ATP8A1: variants seen among roughly 807,000 people sequenced by gnomAD.
ATP8A1 encodes ATPase phospholipid transporting 8A1.
ATP8A1 carries 90 observed loss-of-function variants against 177.7 expected under a neutral mutation model. That is an observed-to-expected ratio of 0.51 (90% CI 0.43 to 0.60). ATP8A1 has a LOEUF of 0.60. Ranked by LOEUF, ATP8A1 falls within the 20% of genes least tolerant of loss-of-function variation. The pLI, the probability that ATP8A1 is intolerant of heterozygous loss-of-function variation, is 0.00. For missense variants in ATP8A1, 1,072 were observed against 1,392.8 expected (o/e 0.77, Z 3.67); for synonymous variants, 493 against 485.9 (o/e 1.01, Z -0.19).
At chr4:42,413,486 C>T (rs972320234) in intron 36 of ATP8A1, among the ~76,000 whole-genome samples, 5 of 152,146 alleles carry the variant, frequency 3.3e-5, no homozygotes, top group Non-Finnish European at 5.9e-5. Context: ...GTGGGAATGG[C>T]TTCAGGGACC....
At position 42,423,725 on chromosome 4, in the gene ATP8A1, A is replaced by C. The variant is rs773581055; in HGVS notation, c.3124-20T>G. The stretch of plus-strand genomic sequence containing the variant: ...GGCTGCCTGTGTAAATCGTCAGAAA[A>C]AACATTACTTTAAAACCAAAAAATA... On this transcript the variant is annotated intron_variant, in intron 33 of 36. Transcript: ENST00000381668. The C allele has an allele frequency of 8.8e-6, 14 of 1,587,082 alleles. No homozygotes were observed. The highest frequency in any genetic ancestry group is 1.2e-5 in the Non-Finnish European group (14 of 1,161,080).
chr4:42,500,516 T>C (rs189984529), intron 24 of ATP8A1, among the ~76,000 whole-genome samples: 2 of 152,278 alleles, frequency 1.3e-5, no homozygotes, highest in African/African-American at 4.8e-5. Context: ...TTATCAGAAA[T>C]ACCTAATAGG....
intron 9 of ATP8A1, among the ~76,000 whole-genome samples, chr4:42,586,007 C>T (rs1733574735): frequency 6.6e-6 from 1 of 152,114 alleles, no homozygotes; most frequent in African/African-American, 2.4e-5. Flanking sequence ...AATAGTTAAG[C>T]CTATAACACG....
At chr4:42,536,935 A>G (rs895739349) in intron 20 of ATP8A1, among the ~76,000 whole-genome samples, 1 of 152,132 alleles carries the variant, frequency 6.6e-6, no homozygotes, top group Non-Finnish European at 1.5e-5. Flanking sequence ...GTTCGAGACC[A>G]GCCTGGCCAA....
chr4:42,420,165 C>T (rs1288799990), intron 35 of ATP8A1, among the ~76,000 whole-genome samples: 4 of 152,070 alleles, frequency 2.6e-5, no homozygotes, highest in African/African-American at 9.7e-5. Flanking sequence ...TGTTTCCATC[C>T]AGTTGCTATT....
chr4:42,645,945 A>G (rs1740488256), intron 1 of ATP8A1, among the ~76,000 whole-genome samples: 1 of 152,032 alleles, frequency 6.6e-6, no homozygotes, highest in Admixed American at 6.5e-5. Context: ...AAAAAAAAAA[A>G]GTAGAGTGAG....
chr4:42,606,452 G>A (rs1438057835), intron 5 of ATP8A1, among the ~76,000 whole-genome samples: 1 of 152,222 alleles, frequency 6.6e-6, no homozygotes, highest in Non-Finnish European at 1.5e-5. Context: ...GGCAAACTGT[G>A]TAGCCAGTAA....
Position 42,485,596 on chromosome 4 carries a change from G to C in ATP8A1, c.2224C>G (p.Leu742Val). The C allele has an allele frequency of 1.9e-6, 3 of 1,613,674 alleles. No homozygotes were observed. Among genetic ancestry groups the C allele is most frequent in the Non-Finnish European group, 2.5e-6 (3 of 1,179,698 alleles). Reference protein sequence around the residue: ...DALRKENDFALIIDGKTLKYA... With the variant: ...DALRKENDFAVIIDGKTLKYA... ...TTGAGGGTTTTCCCATCAATTATAA[G>C]AGCAAAATCATTCTCTTTCCGGAGA... is the stretch of plus-strand genomic sequence containing the variant. Residue 742 changes from leucine to valine, a missense_variant, in exon 25 of 37, where the codon CTT (leucine) becomes GTT (valine). Leu to Val is a conservative substitution (Grantham distance 32). This residue lies in a region of ATP8A1 where 388 missense variants were observed against 471.7 expected (regional missense o/e 0.82). Coordinates refer to ENST00000381668, the MANE Select transcript of ATP8A1 (RefSeq NM_006095.2).
At chr4:42,518,418 T>A (rs967580163) in intron 22 of ATP8A1, among the ~76,000 whole-genome samples, 2 of 152,158 alleles carry the variant, frequency 1.3e-5, no homozygotes, top group African/African-American at 4.8e-5. Flanking sequence ...TAATACATGG[T>A]TTTCAAACTG....
intron 5 of ATP8A1, among the ~76,000 whole-genome samples, chr4:42,603,531 T>G (rs1262933884): frequency 2.6e-5 from 4 of 152,212 alleles, no homozygotes; most frequent in Admixed American, 1.3e-4. Flanking sequence ...TGAACAATGC[T>G]GCATTATGAT....
chr4:42,643,340 T>A (rs1006169569), intron 1 of ATP8A1, among the ~76,000 whole-genome samples: 1 of 152,204 alleles, frequency 6.6e-6, no homozygotes, highest in African/African-American at 2.4e-5. Flanking sequence ...AAAATAAATG[T>A]CTACAAACAT....
At chr4:42,427,536 AC>A (rs1164520533) in intron 33 of ATP8A1, among the ~76,000 whole-genome samples, 2 of 152,258 alleles carry the variant, frequency 1.3e-5, no homozygotes, top group African/African-American at 4.8e-5. Context: ...TTATATTCCC[AC>A]CAGCAATGAA....
intron 20 of ATP8A1, among the ~76,000 whole-genome samples, chr4:42,530,708 T>G (rs1727179141): frequency 2.6e-5 from 4 of 152,208 alleles, no homozygotes; most frequent in Admixed American, 1.3e-4. Flanking sequence ...ACAATTACAG[T>G]GCCAACTAGG....
intron 8 of ATP8A1, among the ~76,000 whole-genome samples, chr4:42,587,581 G>A (rs536134629): frequency 2.0e-5 from 3 of 149,026 alleles, no homozygotes; most frequent in South Asian, 4.3e-4. Context: ...GTGATTACAT[G>A]TGTGAGCCAC....
intron 15 of ATP8A1, among the ~76,000 whole-genome samples, chr4:42,565,579 C>T (rs1367271952): frequency 6.6e-6 from 1 of 152,224 alleles, no homozygotes; most frequent in Non-Finnish European, 1.5e-5. Context: ...GAATCACCCT[C>T]ACTAGCATTT....
intron 1 of ATP8A1, among the ~76,000 whole-genome samples, chr4:42,637,458 A>G (rs150527678): frequency 2.0e-5 from 3 of 152,352 alleles, no homozygotes; most frequent in East Asian, 1.9e-4. Context: ...CATCTGAGTT[A>G]TAACAAACAT....
chr4:42,484,902 T>G (rs1284549371), intron 25 of ATP8A1, among the ~76,000 whole-genome samples: 1 of 152,208 alleles, frequency 6.6e-6, no homozygotes, highest in Non-Finnish European at 1.5e-5. Flanking sequence ...AGACGGAGTT[T>G]AAACAATTTA....
chr4:42,603,107 T>C (rs1189423650), intron 5 of ATP8A1, among the ~76,000 whole-genome samples: 4 of 152,142 alleles, frequency 2.6e-5, no homozygotes, highest in Non-Finnish European at 5.9e-5. Context: ...AATCAAGATA[T>C]TTGACATGAA....
At chr4:42,618,220 T>C (rs996315531) in intron 4 of ATP8A1, among the ~76,000 whole-genome samples, 4 of 152,210 alleles carry the variant, frequency 2.6e-5, no homozygotes, top group African/African-American at 9.6e-5. Flanking sequence ...AGGTTTGCCA[T>C]CTGCACCTTG....
Sources: allele counts gnomAD v4.1 joint callset (sites outside exome capture counted in the v4.1 genomes callset), GRCh38; gene constraint gnomAD v4.1.1; regional missense constraint gnomAD v4.1.1; transcripts MANE v1.5; gene names NCBI Gene and HGNC (gene_info 2026-07-23, HGNC 2026-07-21).